Variants in MAD1L1 observed in about 807,000 individuals in gnomAD.
The protein encoded by MAD1L1 is mitotic arrest deficient 1 like 1.
In MAD1L1, 95 loss-of-function variants were observed where a neutral mutation model predicts 96.9. That is an observed-to-expected ratio of 0.98 (90% CI 0.83 to 1.16). MAD1L1 has a LOEUF of 1.16. Among genes scored for constraint, MAD1L1 ranks in the 50% most tolerant of loss-of-function variants. MAD1L1 has a pLI of 0.00. For synonymous variants in MAD1L1, 473 were observed against 396.6 expected (o/e 1.19, Z -2.29); for missense variants, 1,007 against 954.4 (o/e 1.06, Z -0.73).
intron 17 of MAD1L1, among the ~76,000 whole-genome samples, chr7:1,931,762 G>C (rs976373478): frequency 3.3e-5 from 5 of 152,066 alleles, no homozygotes; most frequent in African/African-American, 1.2e-4. Flanking sequence ...CTCAGGGCCA[G>C]CTCAGAATGC....
chr7:2,138,336 C>T (rs969854982), intron 11 of MAD1L1, among the ~76,000 whole-genome samples: 1 of 152,178 alleles, frequency 6.6e-6, no homozygotes, highest in African/African-American at 2.4e-5. Context: ...AGCAGGCTGG[C>T]GGTGGGGCGG....
At chr7:1,855,216 G>C (rs1784183513) in intron 18 of MAD1L1, among the ~76,000 whole-genome samples, 2 of 152,070 alleles carry the variant, frequency 1.3e-5, no homozygotes, top group African/African-American at 2.4e-5. Context: ...CCAGCTGGCG[G>C]TGTCTCTGCC....
chr7:1,897,871 C>G lies in MAD1L1; in HGVS notation c.1998+329G>C, dbSNP rs1276598170. On this transcript the variant is annotated intron_variant, in intron 18 of 18. Coordinates refer to ENST00000265854, the MANE Select transcript of MAD1L1 (RefSeq NM_001013836.2). ...CAGTCCTCCCCAGGCACCACTGCCTCTGGACACACTGACACACACGCCTAC... is the reference window on the plus strand; with the variant it reads ...CAGTCCTCCCCAGGCACCACTGCCTGTGGACACACTGACACACACGCCTAC... Among the ~76,000 whole-genome samples, 3 of 152,374 alleles carry G rather than the reference C, an allele frequency of 2.0e-5. No individual in the cohort carries two copies. In the East Asian group the frequency reaches 5.8e-4, roughly 29 times the overall value.
Position 2,222,857 on chromosome 7 carries a change from A to G in MAD1L1, c.292-103T>C, listed in dbSNP as rs1793684339. 5 of 981,944 alleles carry G rather than the reference A, an allele frequency of 5.1e-6. No individual in the cohort carries two copies. In the Admixed American group the frequency reaches 8.1e-5, roughly 16 times the overall value. 60.8% of individuals were successfully genotyped at this position (981,944 alleles called of 1,614,324 possible). On this transcript the variant is annotated intron_variant, in intron 4 of 18. Transcript: ENST00000265854. The stretch of plus-strand genomic sequence containing the variant: ...CTCAGAACATGCCGAGGCACAAAAA[A>G]GAGCCGAGCAGGACCCATGAGCCAA...
At chr7:1,876,073 G>A (rs1227963468) in intron 18 of MAD1L1, among the ~76,000 whole-genome samples, 3 of 152,318 alleles carry the variant, frequency 2.0e-5, no homozygotes, top group East Asian at 3.9e-4. Context: ...TCAGCCCCCC[G>A]CCGTGGGGCT....
At chr7:2,228,304 C>T (rs1007287544) in intron 3 of MAD1L1, among the ~76,000 whole-genome samples, 6 of 152,300 alleles carry the variant, frequency 3.9e-5, no homozygotes, top group South Asian at 2.1e-4. Flanking sequence ...CTCTGTCACC[C>T]GGGCTGGAGT....
At chr7:2,064,670 G>GGCTTCTCCCAGGAATATGGCA (rs1319319343) in intron 12 of MAD1L1, among the ~76,000 whole-genome samples, 3 of 151,782 alleles carry the variant, frequency 2.0e-5, no homozygotes, top group Non-Finnish European at 4.4e-5. Context: ...GGAGGACAGT[G>GGCTTCTCCCAGGAATATGGCA]GCTTCTCCCA....
At chr7:2,152,278 G>A (rs1789615818) in intron 10 of MAD1L1, among the ~76,000 whole-genome samples, 1 of 152,350 alleles carries the variant, frequency 6.6e-6, no homozygotes, top group Admixed American at 6.5e-5. Flanking sequence ...CCATCATAGG[G>A]AGGACTGAAG....
intron 10 of MAD1L1, among the ~76,000 whole-genome samples, chr7:2,183,980 G>A (rs576330328): frequency 6.6e-6 from 1 of 152,264 alleles, no homozygotes; most frequent in African/African-American, 2.4e-5. Flanking sequence ...GCCGGGCGCA[G>A]TGGCTCACGC....
rs772423347 is a variant in MAD1L1 at position 2,146,044 on chromosome 7, G to C, written c.1073+3108C>G. On this transcript the variant is annotated intron_variant, in intron 11 of 18. Transcript: ENST00000265854. The surrounding 1 kb of genome is among the most constrained non-coding windows in gnomAD (Gnocchi z 6.2). ...ACACAACACCCAGGAAGTGCATCAA[G>C]ACTGCGTGGTGTAGGCTGCTCACAG... Among the ~76,000 whole-genome samples the C allele has an allele frequency of 3.3e-5, 5 of 152,230 alleles. No homozygotes were observed. Among genetic ancestry groups the C allele is most frequent in the Non-Finnish European group, 4.4e-5 (3 of 68,040 alleles).
chr7:1,919,588 T>G (rs1475799628), intron 17 of MAD1L1, among the ~76,000 whole-genome samples: 1 of 152,238 alleles, frequency 6.6e-6, no homozygotes, highest in Non-Finnish European at 1.5e-5. Flanking sequence ...CAGAGGCCAA[T>G]GGGCTCAGGC....
intron 10 of MAD1L1, among the ~76,000 whole-genome samples, chr7:2,200,822 G>A (rs1264713068): frequency 5.3e-5 from 8 of 152,276 alleles, no homozygotes; most frequent in East Asian, 1.9e-4. Flanking sequence ...CTCCCCTCCC[G>A]CCTGTCCAGC....
intron 17 of MAD1L1, among the ~76,000 whole-genome samples, chr7:1,900,077 G>A (rs761754947): frequency 5.9e-5 from 9 of 152,202 alleles, no homozygotes; most frequent in African/African-American, 4.8e-5. Flanking sequence ...CGCCGAGAGC[G>A]CAGGGCCGCT....
chr7:1,943,306 A>C (rs1779084596), intron 16 of MAD1L1, among the ~76,000 whole-genome samples: 2 of 152,266 alleles, frequency 1.3e-5, no homozygotes, highest in Non-Finnish European at 2.9e-5. Context: ...AAAGGACGCC[A>C]GTGACAGGCA....
intron 18 of MAD1L1, among the ~76,000 whole-genome samples, chr7:1,824,162 C>A (rs112681788): frequency 0.024 from 3,668 of 152,256 alleles, 98 homozygotes; most frequent in Admixed American, 0.072. Context: ...CCTCAACAGA[C>A]CTTCCAGATA....
intron 10 of MAD1L1, among the ~76,000 whole-genome samples, chr7:2,209,146 C>T (rs984269350): frequency 6.6e-6 from 1 of 152,200 alleles, no homozygotes. Context: ...TGTGCCCAGG[C>T]CTGTGTGACA....
chr7:2,001,657 T>G (rs1026100848), intron 14 of MAD1L1, among the ~76,000 whole-genome samples: 1 of 152,238 alleles, frequency 6.6e-6, no homozygotes, highest in Non-Finnish European at 1.5e-5. Flanking sequence ...AAGCCCCGGC[T>G]GAGGCACTGT....
intron 10 of MAD1L1, among the ~76,000 whole-genome samples, chr7:2,192,906 T>C (rs1425701169): frequency 1.3e-5 from 2 of 152,226 alleles, no homozygotes; most frequent in Non-Finnish European, 2.9e-5. Flanking sequence ...ATTAAGTCCA[T>C]TTCGTTTAGA....
At chr7:1,926,144 A>G (rs1789076180) in intron 17 of MAD1L1, among the ~76,000 whole-genome samples, 1 of 152,208 alleles carries the variant, frequency 6.6e-6, no homozygotes, top group Non-Finnish European at 1.5e-5. Flanking sequence ...CTGCTCATAC[A>G]TTTGATCACA....
Sources: allele counts gnomAD v4.1 joint callset (sites outside exome capture counted in the v4.1 genomes callset), GRCh38; gene constraint gnomAD v4.1.1; non-coding constraint Gnocchi (gnomAD v3.1); transcripts MANE v1.5; gene names NCBI Gene and HGNC (gene_info 2026-07-23, HGNC 2026-07-21).